Variants in PKHD1 observed in about 807,000 individuals in gnomAD.
The protein encoded by PKHD1 is fibrocystin.
A neutral mutation model predicts 412.0 loss-of-function variants in PKHD1; 291 were observed. The ratio of observed to expected loss-of-function variants is 0.71; its 90% CI spans 0.64 to 0.78. The LOEUF (loss-of-function observed/expected upper bound fraction) is 0.78. Among genes scored for constraint, PKHD1 ranks in the 30% least tolerant of loss-of-function variants. PKHD1 has a pLI of 0.00. For missense variants in PKHD1, 4,825 were observed against 4,950.7 expected (o/e 0.97, Z 0.76); for synonymous variants, 1,777 against 1,821.5 (o/e 0.98, Z 0.62).
intron 36 of PKHD1, among the ~76,000 whole-genome samples, chr6:51,938,494 A>C (rs1476124708): frequency 3.2e-5 from 4 of 123,546 alleles, no homozygotes; most frequent in South Asian, 3.1e-4. Flanking sequence ...GCACGCTGTG[A>C]CCCCCCACTC....
chr6:51,652,528 C>T (rs892532947), intron 61 of PKHD1, among the ~76,000 whole-genome samples: 1 of 150,974 alleles, frequency 6.6e-6, no homozygotes, highest in South Asian at 2.1e-4. Context: ...TGATTGAATG[C>T]TTCATGATGT....
In PKHD1 at chr6:51,632,578, T is replaced by C. The variant is rs2150303878; in HGVS notation, c.11652A>G (p.Arg3884=). 5 of 1,613,124 alleles carry C rather than the reference T, an allele frequency of 3.1e-6. No homozygotes were observed. The highest frequency in any genetic ancestry group is 4.2e-6 in the Non-Finnish European group (5 of 1,179,498). ...LSCLVCCWLK[R]SKSRKTKPEE... is the part of the protein sequence containing the mutation. ...AAAACTACATACTTCTGCTTTTGCT[T>C]CTTTTAAGCCAACAGCACACCAGAC... is the stretch of plus-strand genomic sequence containing the variant. Residue 3884 remains arginine, a synonymous_variant, in exon 65 of 67, where the codon AGA becomes AGG. Coordinates refer to ENST00000371117, the MANE Select transcript of PKHD1 (RefSeq NM_138694.4).
At chr6:51,639,305 C>A (rs1342095651) in intron 63 of PKHD1, among the ~76,000 whole-genome samples, 1 of 151,890 alleles carries the variant, frequency 6.6e-6, no homozygotes, top group Admixed American at 6.6e-5. Flanking sequence ...GGTTACAGCC[C>A]AAATCTACCT....
intron 48 of PKHD1, among the ~76,000 whole-genome samples, chr6:51,856,779 A>G (rs1278250408): frequency 1.3e-5 from 2 of 152,220 alleles, no homozygotes; most frequent in South Asian, 2.1e-4. Flanking sequence ...TTTTAAAAAC[A>G]TAGATTATAA....
intron 52 of PKHD1, among the ~76,000 whole-genome samples, chr6:51,821,285 T>G (rs1357323602): frequency 6.6e-6 from 1 of 152,154 alleles, no homozygotes; most frequent in Admixed American, 6.5e-5. Flanking sequence ...ACTTTAATGG[T>G]GATTTCTTAG....
intron 34 of PKHD1, among the ~76,000 whole-genome samples, chr6:52,015,398 G>A (rs1800393164): frequency 1.3e-5 from 2 of 152,188 alleles, no homozygotes. Flanking sequence ...TCGGCAAATT[G>A]TCCTCTGACG....
At position 51,791,337 on chromosome 6, in the gene PKHD1, A is replaced by G; in HGVS notation, c.8339T>C (p.Phe2780Ser). The G allele has an allele frequency of 6.2e-7, 1 of 1,613,592 alleles. No homozygotes were observed. Among genetic ancestry groups the G allele is most frequent in the Non-Finnish European group, 8.5e-7 (1 of 1,179,580 alleles). The change falls in exon 53 of 67, where the codon TTC (phenylalanine) becomes TCC (serine). Residue 2780 changes from phenylalanine (F) to serine (S), a missense_variant. Transcript: ENST00000371117. The stretch of plus-strand genomic sequence containing the variant: ...GGTCCCCATCACATACAGCCCTTTG[A>G]AGAATGGAAGATCTGTATCCACAAG... ...TVLVDTDLPF[F>S]KGLYVMGTLD...
chr6:52,004,272 T>G (rs895685104), intron 35 of PKHD1, among the ~76,000 whole-genome samples: 11 of 152,182 alleles, frequency 7.2e-5, no homozygotes, highest in Non-Finnish European at 1.5e-4. Flanking sequence ...AGGCCCAATC[T>G]AATATTATCT....
rs1309892003 is a variant in PKHD1 at position 51,669,967 on chromosome 6, C to G, written c.10157-9998G>C. On this transcript the variant is annotated intron_variant, in intron 60 of 66. Coordinates refer to ENST00000371117, the MANE Select transcript of PKHD1 (RefSeq NM_138694.4). ...TTGCTGAGGAGAGCTTTACTTCCAACTATGTGGTCAATTTTGGAACAGGTG... is the reference window on the plus strand; with the variant it reads ...TTGCTGAGGAGAGCTTTACTTCCAAGTATGTGGTCAATTTTGGAACAGGTG... Among the ~76,000 whole-genome samples the G allele has an allele frequency of 4.6e-5, 7 of 151,418 alleles. No individual in the cohort carries two copies. The East Asian group carries it at 1.2e-3, about 25-fold the overall frequency.
At chr6:51,859,413 C>A (rs1773827493) in intron 48 of PKHD1, among the ~76,000 whole-genome samples, 1 of 150,440 alleles carries the variant, frequency 6.6e-6, no homozygotes, top group Non-Finnish European at 1.5e-5. Context: ...GTAGTCCCAG[C>A]TACTCGGGAG....
chr6:51,738,007 C>T (rs762070362), intron 60 of PKHD1, among the ~76,000 whole-genome samples: 5 of 152,152 alleles, frequency 3.3e-5, no homozygotes, highest in Non-Finnish European at 7.3e-5. Context: ...ATAAGCCCCA[C>T]GTTTACTTAT....
At chr6:51,893,683 G>C (rs893328174) in intron 43 of PKHD1, among the ~76,000 whole-genome samples, 1 of 152,210 alleles carries the variant, frequency 6.6e-6, no homozygotes, top group Non-Finnish European at 1.5e-5. Context: ...ATTCAAGCAA[G>C]AGAAATTCCA....
chr6:51,736,234 A>G (rs1313233250), intron 60 of PKHD1, among the ~76,000 whole-genome samples: 1 of 152,228 alleles, frequency 6.6e-6, no homozygotes, highest in Non-Finnish European at 1.5e-5. Context: ...AGGAAAGGAA[A>G]AGGAAATTGT....
chr6:51,676,473 A>G (rs1487254155), intron 60 of PKHD1, among the ~76,000 whole-genome samples: 1 of 152,112 alleles, frequency 6.6e-6, no homozygotes. Context: ...TTTTTTAGCC[A>G]TTTTGTAATA....
At chr6:51,730,900 G>A (rs1783159197) in intron 60 of PKHD1, among the ~76,000 whole-genome samples, 1 of 152,128 alleles carries the variant, frequency 6.6e-6, no homozygotes, top group Admixed American at 6.6e-5. Flanking sequence ...GCTCAGGTTT[G>A]AGATTCTACC....
At chr6:51,747,665 G>A in intron 58 of PKHD1, 122 bp downstream of exon 58, 1 of 813,912 alleles carries the variant, frequency 1.2e-6, no homozygotes, top group Non-Finnish European at 2.1e-6. Flanking sequence ...ATACTCAGCA[G>A]GTTGGACAGC....
chr6:51,622,326 C>T (rs1766729238), intron 66 of PKHD1: 1 of 152,240 alleles, frequency 6.6e-6, no homozygotes, highest in African/African-American at 2.4e-5. Context: ...CTCTCTCTAC[C>T]TCCCCCTACC....
At chr6:51,640,912 T>TCTA (rs1769260942) in intron 63 of PKHD1, among the ~76,000 whole-genome samples, 1 of 152,074 alleles carries the variant, frequency 6.6e-6, no homozygotes, top group South Asian at 2.1e-4. Flanking sequence ...CTGAGGAGGG[T>TCTA]CTACTAAAGA....
At chr6:51,905,753 T>G (rs1190072656) in intron 41 of PKHD1, among the ~76,000 whole-genome samples, 1 of 152,070 alleles carries the variant, frequency 6.6e-6, no homozygotes, top group East Asian at 1.9e-4. Context: ...GCAAGGGGAA[T>G]GAACTTTAGG....
Sources: allele counts gnomAD v4.1 joint callset (sites outside exome capture counted in the v4.1 genomes callset), GRCh38; gene constraint gnomAD v4.1.1; transcripts MANE v1.5; gene names NCBI Gene and HGNC (gene_info 2026-07-23, HGNC 2026-07-21).